The following LIMCH1 variants were observed in gnomAD, a reference collection of about 807,000 sequenced individuals.
LIMCH1 encodes LIM and calponin homology domains-containing protein 1.
LIMCH1 carries 113 observed loss-of-function variants against 176.5 expected under a neutral mutation model. The observed-to-expected ratio is 0.64, with a 90% CI of 0.55 to 0.75. The LOEUF (loss-of-function observed/expected upper bound fraction) is 0.75, where lower values mean the gene tolerates loss of function less well. LIMCH1 is among the 30% of genes least tolerant of loss of function. The pLI is 0.00. For synonymous variants in LIMCH1, 619 were observed against 645.9 expected, an observed-to-expected ratio of 0.96 and a Z score of 0.63; for missense variants, 1,674 against 1,814.9, an observed-to-expected ratio of 0.92 and a Z score of 1.41.
At chr4:41,514,005 T>TAAAAAAAAAA (rs71198665) in intron 2 of LIMCH1, among the ~76,000 whole-genome samples, 21 of 48,520 alleles carry the variant, frequency 4.3e-4, no homozygotes, top group East Asian at 2.1e-3. Context: ...GACTCCGTCT[T>TAAAAAAAAAA]AAAAAAAAAA....
At chr4:41,584,744 T>C (rs757918460) in intron 1 of LIMCH1, among the ~76,000 whole-genome samples, 13 of 152,222 alleles carry the variant, frequency 8.5e-5, no homozygotes, top group Non-Finnish European at 1.6e-4. Context: ...TTTTTAGGTG[T>C]ACAGTTTAGT....
chr4:41,545,575 T>C (rs1393840800), intron 1 of LIMCH1, among the ~76,000 whole-genome samples: 1 of 152,160 alleles, frequency 6.6e-6, no homozygotes. Context: ...ACAACGACTT[T>C]TACATCCTCC....
At chr4:41,624,988 A>G (rs1561969604) in intron 7 of LIMCH1, among the ~76,000 whole-genome samples, 1 of 152,146 alleles carries the variant, frequency 6.6e-6, no homozygotes, top group South Asian at 2.1e-4. Context: ...TTCCTTCCAC[A>G]TGAAACAGTG....
At chr4:41,547,437 T>G (rs965920594) in intron 1 of LIMCH1, among the ~76,000 whole-genome samples, 3 of 151,832 alleles carry the variant, frequency 2.0e-5, no homozygotes, top group African/African-American at 7.3e-5. Context: ...TTTTTATTCT[T>G]AAAGATATTA....
chr4:41,512,507 C>G (rs150589621), intron 2 of LIMCH1, among the ~76,000 whole-genome samples: 295 of 152,262 alleles, frequency 1.9e-3, no homozygotes, highest in Non-Finnish European at 2.8e-3. Flanking sequence ...ACCCAAATGT[C>G]CACAGAGTGA....
chr4:41,698,368 T>G lies in LIMCH1; in HGVS notation c.*1183T>G, dbSNP rs1037729613. 4 of 152,206 alleles carry G rather than the reference T, an allele frequency of 2.6e-5. No homozygotes were observed. The highest frequency in any genetic ancestry group is 7.2e-5 in the African/African-American group (3 of 41,454). 9.4% of individuals were successfully genotyped at this position (152,206 alleles called of 1,614,324 possible). A position where few individuals can be genotyped will look rare whatever the true frequency, so the allele number is the denominator to read the frequency against. Reference sequence around the variant, plus strand: ...TATCAAGAACTCCGGACCTTGCCCATGGAGAAGTTTAGAGAGGAACTCTTG... The same window carrying G: ...TATCAAGAACTCCGGACCTTGCCCAGGGAGAAGTTTAGAGAGGAACTCTTG... On this transcript the variant is annotated 3_prime_UTR_variant, in exon 32 of 32. Coordinates refer to ENST00000503057, the MANE Select transcript of LIMCH1 (RefSeq NM_001330672.2).
chr4:41,502,845 C>T (rs1017335995), intron 2 of LIMCH1, among the ~76,000 whole-genome samples: 5 of 151,592 alleles, frequency 3.3e-5, no homozygotes, highest in African/African-American at 1.2e-4. Flanking sequence ...AGAAATGCAA[C>T]TGAAACCAGT....
At chr4:41,478,969 C>T (rs2068147573) in intron 1 of LIMCH1, among the ~76,000 whole-genome samples, 1 of 152,044 alleles carries the variant, frequency 6.6e-6, no homozygotes, top group Admixed American at 6.6e-5. Context: ...CAGCCCTAGC[C>T]CCCAAACATT....
At chr4:41,419,963 A>G (rs1324580816) in intron 1 of LIMCH1, among the ~76,000 whole-genome samples, 8 of 152,170 alleles carry the variant, frequency 5.3e-5, no homozygotes, top group Non-Finnish European at 2.9e-5. Flanking sequence ...AACAGATAAT[A>G]CATACTAAAT....
chr4:41,676,054 T>C (rs1406823429), intron 22 of LIMCH1, among the ~76,000 whole-genome samples: 3 of 152,222 alleles, frequency 2.0e-5, no homozygotes, highest in Admixed American at 6.5e-5. Flanking sequence ...AATGAGCACC[T>C]TAGGTTCAGA....
intron 1 of LIMCH1, among the ~76,000 whole-genome samples, chr4:41,476,356 A>G (rs1364517228): frequency 6.6e-6 from 1 of 152,222 alleles, no homozygotes; most frequent in African/African-American, 2.4e-5. Context: ...AGTTCTTGGT[A>G]ATACCCTGGA....
At chr4:41,566,651 T>G (rs1396010937) in intron 1 of LIMCH1, among the ~76,000 whole-genome samples, 1 of 152,232 alleles carries the variant, frequency 6.6e-6, no homozygotes, top group Non-Finnish European at 1.5e-5. Flanking sequence ...ATGATAACTA[T>G]GTGAAGTGAT....
At chr4:41,601,106 C>T (rs1378072110) in intron 2 of LIMCH1, among the ~76,000 whole-genome samples, 1 of 152,138 alleles carries the variant, frequency 6.6e-6, no homozygotes, top group Non-Finnish European at 1.5e-5. Context: ...ATGACCCTGG[C>T]ATTTTTCATT....
rs1731354785 is a variant in LIMCH1 at position 41,697,188 on chromosome 4, C to CGGCTT, written c.*4_*8dup. ...CCGGGCAGCCTACAACATTGTGACA[C>CGGCTT]GGCTTTCAAGCTTCCGGATCACTCA... is the stretch of plus-strand genomic sequence containing the variant. On this transcript the variant is annotated 3_prime_UTR_variant, in exon 32 of 32. Transcript: ENST00000503057. 6.2e-7 allele frequency: 1 copy of CGGCTT among 1,613,246 alleles called. No individual in the cohort carries two copies.
chr4:41,516,471 C>T (rs1296913354), intron 2 of LIMCH1, among the ~76,000 whole-genome samples: 1 of 152,224 alleles, frequency 6.6e-6, no homozygotes, highest in East Asian at 1.9e-4. Context: ...GAGCTCTGAC[C>T]TCAGACATGT....
At chr4:41,367,480 G>A (rs1165462656) in intron 1 of LIMCH1, among the ~76,000 whole-genome samples, 2 of 151,974 alleles carry the variant, frequency 1.3e-5, no homozygotes, top group African/African-American at 4.8e-5. Flanking sequence ...GTTAGGGACT[G>A]CCCCACCCAT....
In LIMCH1 at chr4:41,538,171, A is replaced by C. The variant is rs111543943; in HGVS notation, c.-420A>C. 4.2e-3 allele frequency: 4,127 copies of C among 985,530 alleles called. 115 individuals carry two copies. In the African/African-American group the frequency reaches 0.063, roughly 15 times the overall value. The allele number at this position is 985,530 out of a possible 1,614,324, so 61.0% of individuals were successfully genotyped here. On this transcript the variant is annotated 5_prime_UTR_variant, in exon 1 of 32. Coordinates refer to ENST00000503057, the MANE Select transcript of LIMCH1 (RefSeq NM_001330672.2). ...TTCACTGCATCAGCATTTCAGCCGC[A>C]GCAGCCTGCTTGTGGACAGAGCAGG...
In LIMCH1 at chr4:41,512,025, C is replaced by A. The variant is rs148037898; in HGVS notation, c.168-12384C>A. ...CATATATCTGATAAGAGGCTTGTAT[C>A]CAAAATATATAAAGAGCTCTTATAA... On this transcript the variant is annotated intron_variant, in intron 2 of 26. Coordinates refer to the LIMCH1 transcript ENST00000313860. Among the ~76,000 whole-genome samples the A allele has an allele frequency of 3.2e-3, 494 of 152,038 alleles. 2 individuals carry two copies. Among genetic ancestry groups the A allele is most frequent in the Non-Finnish European group, 4.4e-3 (298 of 67,990 alleles).
intron 1 of LIMCH1, among the ~76,000 whole-genome samples, chr4:41,574,859 A>G (rs1025024705): frequency 2.0e-5 from 3 of 152,152 alleles, no homozygotes; most frequent in Admixed American, 6.5e-5. Flanking sequence ...CCTTGGAGAA[A>G]TCATTTTACC....
Sources: gnomAD v4.1 joint callset for allele counts (sites outside exome capture counted in the v4.1 genomes callset) on GRCh38, gnomAD v4.1.1 for gene constraint, MANE v1.5 for transcripts, NCBI Gene and HGNC (gene_info 2026-07-23, HGNC 2026-07-21) for gene names.